Variants in WWOX observed in about 807,000 individuals in gnomAD.
The protein encoded by WWOX is WW domain containing oxidoreductase.
In WWOX, 69 loss-of-function variants were observed where a neutral mutation model predicts 46.2. The observed-to-expected ratio is 1.49, with a 90% CI of 1.23 to 1.82. The LOEUF (loss-of-function observed/expected upper bound fraction) is 1.82. WWOX is among the 40% of genes most tolerant of loss of function. The pLI is 0.00. For missense variants in WWOX, 919 were observed against 542.6 expected (o/e 1.69, Z -6.89); for synonymous variants, 359 against 202.6 (o/e 1.77, Z -6.56).
intron 8 of WWOX, among the ~76,000 whole-genome samples, chr16:78,464,319 GGGGA>G (rs1162711691): frequency 1.3e-5 from 2 of 151,444 alleles, no homozygotes; most frequent in Non-Finnish European, 2.9e-5. Flanking sequence ...AGAGGAAAGA[GGGGA>G]AGGGAGGAAG....
At chr16:78,524,369 T>G (rs2151502698) in intron 8 of WWOX, among the ~76,000 whole-genome samples, 1 of 151,732 alleles carries the variant, frequency 6.6e-6, no homozygotes, top group African/African-American at 2.4e-5. Context: ...TTGGTAAAGT[T>G]TAGTTGACTA....
intron 4 of WWOX, among the ~76,000 whole-genome samples, chr16:78,139,292 T>C (rs1023790752): frequency 1.3e-5 from 2 of 152,262 alleles, no homozygotes; most frequent in Middle Eastern, 6.8e-3. Context: ...CTGATTAGAA[T>C]TGTCGGGGGT....
chr16:78,870,856 C>T (rs1391890568), intron 8 of WWOX, among the ~76,000 whole-genome samples: 1 of 152,188 alleles, frequency 6.6e-6, no homozygotes, highest in Non-Finnish European at 1.5e-5. Context: ...CCCACCTCAG[C>T]TTCCCAAAGT....
intron 8 of WWOX, chr16:78,872,715 C>G (rs778136960): frequency 2.0e-5 from 3 of 152,194 alleles, no homozygotes; most frequent in South Asian, 4.1e-4. Context: ...CTGCGTTTCT[C>G]TTTCTTTGCC....
At chr16:78,971,704 T>C (rs1483154752) in intron 8 of WWOX, among the ~76,000 whole-genome samples, 1 of 152,028 alleles carries the variant, frequency 6.6e-6, no homozygotes, top group Non-Finnish European at 1.5e-5. Context: ...ATGTCTCTGA[T>C]AAATCGCCCC....
intron 8 of WWOX, among the ~76,000 whole-genome samples, chr16:79,135,085 T>C (rs2049957473): frequency 6.6e-6 from 1 of 152,238 alleles, no homozygotes; most frequent in Non-Finnish European, 1.5e-5. Context: ...ACATTGTTTT[T>C]CACTGTGGCT....
At chr16:78,444,816 C>T (rs1446460316) in intron 8 of WWOX, among the ~76,000 whole-genome samples, 1 of 152,140 alleles carries the variant, frequency 6.6e-6, no homozygotes, top group Non-Finnish European at 1.5e-5. Context: ...AGGCGTGAGC[C>T]ACCGCACCCG....
chr16:78,778,710 T>G (rs1218745700), intron 8 of WWOX, among the ~76,000 whole-genome samples: 47 of 152,194 alleles, frequency 3.1e-4, no homozygotes, highest in Non-Finnish European at 3.1e-4. Flanking sequence ...AAGGGAAGGT[T>G]TGCAGATTGG....
At chr16:78,506,652 T>C (rs1172246925) in intron 8 of WWOX, 1 of 151,098 alleles carries the variant, frequency 6.6e-6, no homozygotes, top group Non-Finnish European at 1.5e-5. Context: ...GTCATTGCTA[T>C]ACTTGAGTTC....
At chr16:79,002,284 C>T (rs1450495796) in intron 8 of WWOX, among the ~76,000 whole-genome samples, 6 of 119,114 alleles carry the variant, frequency 5.0e-5, no homozygotes, top group South Asian at 2.9e-4. Flanking sequence ...AGTGCAATGG[C>T]GTGATCTCAG....
chr16:78,319,903 C>T, intron 5 of WWOX, among the ~76,000 whole-genome samples: 1 of 152,154 alleles, frequency 6.6e-6, no homozygotes, highest in East Asian at 1.9e-4. Context: ...TTCCAGTTTT[C>T]CTGGCGAAAT....
At chr16:78,462,207 G>A (rs1259037596) in intron 8 of WWOX, among the ~76,000 whole-genome samples, 2 of 152,190 alleles carry the variant, frequency 1.3e-5, no homozygotes, top group Non-Finnish European at 2.9e-5. Flanking sequence ...GAATCTCAGC[G>A]ATGATCCTAA....
intron 8 of WWOX, among the ~76,000 whole-genome samples, chr16:78,461,441 A>G (rs923097286): frequency 6.6e-6 from 1 of 152,256 alleles, no homozygotes; most frequent in Non-Finnish European, 1.5e-5. Flanking sequence ...AATTCTGGGC[A>G]TGAGAAACCC....
At chr16:78,279,396 C>G (rs537577858) in intron 5 of WWOX, among the ~76,000 whole-genome samples, 3 of 152,042 alleles carry the variant, frequency 2.0e-5, no homozygotes, top group African/African-American at 7.2e-5. Flanking sequence ...TTGTCTCTAT[C>G]TTTCATGGAA....
intron 8 of WWOX, among the ~76,000 whole-genome samples, chr16:78,638,926 C>T (rs2042430): frequency 6.6e-6 from 1 of 151,994 alleles, no homozygotes; most frequent in African/African-American, 2.4e-5. Context: ...TGAGAGATAT[C>T]AGTGTAAAAC....
At position 78,432,584 on chromosome 16, in the gene WWOX, C is replaced by G. The variant is rs3764341; in HGVS notation, c.888C>G (p.Ser296=). The G allele has an allele frequency of 4.8e-4, 778 of 1,614,200 alleles. 9 individuals are homozygous for G. The East Asian group carries it at 0.015, about 31-fold the overall frequency. The change falls in exon 8 of 9, where the codon TCC becomes TCG. Residue 296 remains serine, a synonymous_variant. Transcript: ENST00000566780. The stretch of plus-strand genomic sequence containing the variant: ...GGGCGATGCTGGCTTATAACAGGTC[C>G]AAGCTCTGCAACATCCTCTTCTCCA... ...DYWAMLAYNR[S]KLCNILFSNE... is the part of the protein sequence containing the mutation.
At chr16:78,596,052 T>G (rs1427122394) in intron 8 of WWOX, among the ~76,000 whole-genome samples, 1 of 152,218 alleles carries the variant, frequency 6.6e-6, no homozygotes, top group Non-Finnish European at 1.5e-5. Context: ...TACTCTTTGT[T>G]GTTTCTGCTC....
chr16:78,591,877 C>A (rs2045360353), intron 8 of WWOX, among the ~76,000 whole-genome samples: 1 of 152,182 alleles, frequency 6.6e-6, no homozygotes. Context: ...GAGCTACCAC[C>A]ACTGCCTCTA....
chr16:78,105,787 G>C (rs573350112), intron 1 of WWOX, among the ~76,000 whole-genome samples: 4 of 152,104 alleles, frequency 2.6e-5, no homozygotes, highest in Non-Finnish European at 5.9e-5. Flanking sequence ...CACTGTTAAG[G>C]GTCATTTTGT....
Sources: gnomAD v4.1 joint callset for allele counts (sites outside exome capture counted in the v4.1 genomes callset) on GRCh38, gnomAD v4.1.1 for gene constraint, MANE v1.5 for transcripts, NCBI Gene and HGNC (gene_info 2026-07-23, HGNC 2026-07-21) for gene names.